The following EIF3L variants were observed in gnomAD, a reference collection of about 807,000 sequenced individuals.
The protein encoded by EIF3L is eukaryotic translation initiation factor 3 subunit L.
Under a neutral mutation model 74.6 loss-of-function variants are expected in EIF3L, and 32 were observed. The ratio of observed to expected loss-of-function variants is 0.43; its 90% confidence interval spans 0.32 to 0.58. The LOEUF (loss-of-function observed/expected upper bound fraction) is 0.58. Ranked by LOEUF, EIF3L falls within the 20% of genes least tolerant of loss-of-function variation. The pLI, the probability that EIF3L is intolerant of heterozygous loss-of-function variation, is 0.06. For missense variants in EIF3L, 474 were observed against 707.8 expected, an observed-to-expected ratio of 0.67 and a Z score of 3.75; for synonymous variants, 256 against 254.4, an observed-to-expected ratio of 1.01 and a Z score of -0.06.
chr22:37,881,005 T>A (rs1927019527), intron 11 of EIF3L: 1 of 152,200 alleles, frequency 6.6e-6, no homozygotes, highest in South Asian at 2.1e-4. Flanking sequence ...TCCCATTGAT[T>A]AACGTTTGGA....
chr22:37,849,714 G>A, intron 1 of EIF3L: 1 of 607,446 alleles, frequency 1.6e-6, no homozygotes, highest in Non-Finnish European at 2.9e-6. Context: ...GGAGACTAAG[G>A]CCTGTTAGAC....
Position 37,851,445 on chromosome 22 carries a change from T to G in EIF3L, c.248T>G (p.Val83Gly). 6.2e-7 allele frequency: 1 copy of G among 1,614,030 alleles called. No individual in the cohort carries two copies. Among genetic ancestry groups the G allele is most frequent in the Non-Finnish European group, 8.5e-7 (1 of 1,180,008 alleles). The change falls in exon 3 of 13, where the codon GTC (valine) becomes GGC (glycine). Residue 83 changes from valine (V) to glycine (G), a missense_variant. Transcript: ENST00000652021. ...ELQASRVSSDVIDQKVYEIQD... is the reference protein window; with the variant it reads ...ELQASRVSSDGIDQKVYEIQD... ...CAGGCCAGTCGTGTCTCCAGTGATG[T>G]CATTGACCAGAAGGTGTATGAGATC...
chr22:37,857,382 A>AC (rs1925581833), intron 4 of EIF3L, among the ~76,000 whole-genome samples: 1 of 151,038 alleles, frequency 6.6e-6, no homozygotes, highest in Admixed American at 6.6e-5. Context: ...AAAAAAAAAA[A>AC]AAAAAAAAAA....
At position 37,851,316 on chromosome 22, in the gene EIF3L, A is replaced by G; in HGVS notation, c.119A>G (p.Tyr40Cys). The part of the protein sequence containing the change: ...PKQDLAYERQ[Y>C]EQQTYQVIPE... Reference sequence around the variant, plus strand: ...CAGGACCTTGCTTATGAACGTCAGTATGAACAGCAAACCTATCAGGTGATC... The same window carrying G: ...CAGGACCTTGCTTATGAACGTCAGTGTGAACAGCAAACCTATCAGGTGATC... The change falls in exon 3 of 13, where the codon TAT becomes TGT. Residue 40 changes from tyrosine (Y) to cysteine (C), a missense_variant. Around this residue, in one of 4 missense-constraint regions of EIF3L, gnomAD observed 141 missense variants for 197.7 expected, o/e 0.71. Transcript: ENST00000652021. 1 of 1,614,170 alleles carries G rather than the reference A, an allele frequency of 6.2e-7. No individual in the cohort carries two copies. The highest frequency in any genetic ancestry group is 8.5e-7 in the Non-Finnish European group (1 of 1,180,012).
At chr22:37,859,565 G>A (rs368282828) in intron 5 of EIF3L, among the ~76,000 whole-genome samples, 142 of 151,260 alleles carry the variant, frequency 9.4e-4, no homozygotes, top group African/African-American at 3.2e-3. Flanking sequence ...TGTATTTTTA[G>A]TAGAGACGGG....
At chr22:37,876,964 T>G (rs1347131643) in intron 10 of EIF3L, 1 of 152,228 alleles carries the variant, frequency 6.6e-6, no homozygotes, top group Non-Finnish European at 1.5e-5. Flanking sequence ...GGTTATTAGA[T>G]TCTGAGAACC....
At position 37,877,751 on chromosome 22, in the gene EIF3L, C is replaced by T. The variant is rs558899978; in HGVS notation, c.1155C>T (p.Ser385=). 3.1e-6 allele frequency: 5 copies of T among 1,613,836 alleles called. No individual in the cohort carries two copies. In the African/African-American group the frequency reaches 6.7e-5, roughly 22 times the overall value. ...LTMYPMRIDE[S]IHLQLREKYG... Reference sequence around the variant, plus strand: ...TGTACCCCATGCGTATTGATGAGAGCATTCACCTCCAGCTGCGGGAGAAAT... The same window carrying T: ...TGTACCCCATGCGTATTGATGAGAGTATTCACCTCCAGCTGCGGGAGAAAT... The change falls in exon 11 of 13, where the codon AGC becomes AGT. Residue 385 remains serine, a synonymous_variant. Transcript: ENST00000652021.
rs143910158 is a variant in EIF3L, at chr22:37,851,735, G to A, written c.293+245G>A. ...GGCTGGAGTGCAGTGGCAAGATCTC[G>A]GCTCACTGCAACCTCCGCCTCCTGG... On this transcript the variant is annotated intron_variant, in intron 3 of 12. Transcript: ENST00000652021. Among the ~76,000 whole-genome samples the A allele has an allele frequency of 7.0e-3, 1,062 of 152,156 alleles. 10 individuals carry two copies. The highest frequency in any genetic ancestry group is 0.022 in the African/African-American group (894 of 41,520).
intron 3 of EIF3L, among the ~76,000 whole-genome samples, chr22:37,852,826 A>G (rs1925296976): frequency 6.7e-6 from 1 of 150,344 alleles, no homozygotes; most frequent in African/African-American, 2.5e-5. Context: ...CTTATGACCA[A>G]GAAGAATTGA....
intron 11 of EIF3L, 170 bp from the exon 12 acceptor site, chr22:37,886,595 T>C: frequency 2.2e-6 from 1 of 450,786 alleles, no homozygotes; most frequent in South Asian, 2.4e-5. Flanking sequence ...AAAAACTCTC[T>C]AGAAAGAGTG....
In EIF3L at chr22:37,888,491, G is replaced by C. The variant is rs1927436833; in HGVS notation, c.*27G>C. On this transcript the variant is annotated 3_prime_UTR_variant, in exon 13 of 13. Transcript: ENST00000652021. Reference sequence around the variant, plus strand: ...GATATTCACACACATTCAGGAACCTGTTTTGATGTATTATAGGCAGGAAGT... The same window carrying C: ...GATATTCACACACATTCAGGAACCTCTTTTGATGTATTATAGGCAGGAAGT... The C allele has an allele frequency of 2.5e-6, 4 of 1,612,090 alleles. No individual in the cohort carries two copies. The South Asian group carries it at 4.4e-5, about 18-fold the overall frequency.
intron 3 of EIF3L, among the ~76,000 whole-genome samples, chr22:37,855,218 C>T (rs991102111): frequency 1.3e-5 from 2 of 152,042 alleles, no homozygotes; most frequent in African/African-American, 4.8e-5. Context: ...TGGATGTGCT[C>T]CAGGAGATGG....
chr22:37,874,411 C>G lies in EIF3L; in HGVS notation c.793C>G (p.Leu265Val). The G allele has an allele frequency of 6.2e-7, 1 of 1,614,144 alleles. No individual in the cohort carries two copies. The highest frequency in any genetic ancestry group is 8.5e-7 in the Non-Finnish European group (1 of 1,180,012). Residue 265 changes from leucine (L) to valine (V), a missense_variant, in exon 9 of 13, where the codon CTC becomes GTC. Around this residue, in one of 4 missense-constraint regions of EIF3L, gnomAD observed 293 missense variants for 469.1 expected, o/e 0.62. Transcript: ENST00000652021. ...SVAGEYGRHS[L>V]YKMLGYFSLV... ...GGCTGGGGAGTATGGGCGGCACTCC[C>G]TCTACAAAATGCTTGGTTACTTCAG...
chr22:37,887,364 C>A (rs1176756522), intron 12 of EIF3L: 1 of 150,116 alleles, frequency 6.7e-6, no homozygotes, highest in East Asian at 2.0e-4. Context: ...AATCCCAGCA[C>A]TTTGGGAGGC....
At chr22:37,849,747 GT>G (rs1234632832) in intron 1 of EIF3L, 4 of 602,198 alleles carry the variant, frequency 6.6e-6, no homozygotes, top group African/African-American at 1.9e-5. Flanking sequence ...CTGCACCTGA[GT>G]TTTTTTGGTC....
chr22:37,849,827 C>T (rs1925072089), intron 1 of EIF3L, 188 bp from the exon 2 acceptor site: 2 of 650,148 alleles, frequency 3.1e-6, no homozygotes, highest in Admixed American at 2.8e-5. Flanking sequence ...TCATTGCACC[C>T]GTAATGTTGT....
intron 1 of EIF3L, 118 bp from the exon 2 acceptor site, chr22:37,849,897 G>A: frequency 3.7e-6 from 4 of 1,078,708 alleles, no homozygotes; most frequent in Non-Finnish European, 5.7e-6. Context: ...TCAAAGGCAG[G>A]CACAGTGTCT....
intron 4 of EIF3L, among the ~76,000 whole-genome samples, chr22:37,857,726 G>A (rs1925611248): frequency 6.6e-6 from 1 of 151,802 alleles, no homozygotes; most frequent in Admixed American, 6.6e-5. Context: ...TAGAGATGGT[G>A]TTTCACCATC....
chr22:37,851,070 A>G (rs187351826), intron 2 of EIF3L, among the ~76,000 whole-genome samples: 3 of 152,314 alleles, frequency 2.0e-5, no homozygotes, highest in Admixed American at 6.5e-5. Flanking sequence ...CAAAACAGAT[A>G]ATAAGTGAAA....
Sources: allele counts gnomAD v4.1 joint callset (sites outside exome capture counted in the v4.1 genomes callset), GRCh38; gene constraint gnomAD v4.1.1; regional missense constraint gnomAD v4.1.1; transcripts MANE v1.5; gene names NCBI Gene and HGNC (gene_info 2026-07-23, HGNC 2026-07-21).